BRDT: variants seen among roughly 807,000 people sequenced by gnomAD.
BRDT encodes bromodomain testis associated, also known as bromodomain testis-specific protein.
A neutral mutation model predicts 113.9 loss-of-function variants in BRDT; 77 were observed. The observed-to-expected ratio is 0.68, with a 90% confidence interval of 0.56 to 0.82. The LOEUF (loss-of-function observed/expected upper bound fraction) is 0.82. BRDT is among the 40% of genes least tolerant of loss of function. The probability of loss-of-function intolerance (pLI) is 0.00; values close to 1 mark genes in which losing one functional copy is unlikely to be tolerated. For synonymous variants in BRDT, 358 were observed against 366.5 expected (o/e 0.98, Z 0.26); for missense variants, 1,027 against 1,105.4 (o/e 0.93, Z 1.01).
Position 92,010,341 on chromosome 1 carries a change from G to A in BRDT, c.2776-3865G>A, listed in dbSNP as rs1248917162. ...GGCTGCAGTGCAGTGGCGTGATCTCGGCTCACTGCAACCTCTGCCTCCTCC... is the reference window on the plus strand; with the variant it reads ...GGCTGCAGTGCAGTGGCGTGATCTCAGCTCACTGCAACCTCTGCCTCCTCC... On this transcript the variant is annotated intron_variant, in intron 18 of 18. Coordinates refer to ENST00000399546, the MANE Select transcript of BRDT (RefSeq NM_207189.4). Among the ~76,000 whole-genome samples the A allele has an allele frequency of 4.5e-5, 6 of 132,884 alleles. No individual in the cohort carries two copies. In the East Asian group the frequency reaches 6.5e-4, roughly 14 times the overall value. The allele number at this position is 132,884 out of a possible 152,430, so 87.2% of individuals were successfully genotyped here. A position where few individuals can be genotyped will look rare whatever the true frequency, so the allele number is the denominator to read the frequency against.
chr1:91,987,626 G>GTGA (rs1685375268), intron 12 of BRDT, among the ~76,000 whole-genome samples: 1 of 152,036 alleles, frequency 6.6e-6, no homozygotes, highest in Non-Finnish European at 1.5e-5. Flanking sequence ...GATTACAGGC[G>GTGA]TGAGCCACTG....
chr1:91,952,144 TG>T (rs1298212992), intron 1 of BRDT: 1 of 152,204 alleles, frequency 6.6e-6, no homozygotes, highest in Non-Finnish European at 1.5e-5. Flanking sequence ...ATTTGGAAAA[TG>T]GTATCCTGGA....
intron 15 of BRDT, among the ~76,000 whole-genome samples, chr1:91,995,939 T>C (rs1000829859): frequency 2.6e-5 from 4 of 152,150 alleles, no homozygotes; most frequent in Non-Finnish European, 5.9e-5. Context: ...TAATTAAAGT[T>C]ATATCTCTTC....
At chr1:91,987,601 C>T (rs1180289160) in intron 12 of BRDT, among the ~76,000 whole-genome samples, 1 of 152,188 alleles carries the variant, frequency 6.6e-6, no homozygotes, top group African/African-American at 2.4e-5. Context: ...CTGCCTCAGC[C>T]TCTCAAAGTG....
chr1:91,958,181 A>C (rs905461657), intron 1 of BRDT, among the ~76,000 whole-genome samples: 2 of 147,954 alleles, frequency 1.4e-5, no homozygotes, highest in African/African-American at 5.0e-5. Flanking sequence ...TCAGGCTTTC[A>C]CGATGTCTTT....
chr1:91,951,889 T>C (rs1681129629), intron 1 of BRDT, among the ~76,000 whole-genome samples: 1 of 150,182 alleles, frequency 6.7e-6, no homozygotes, highest in Non-Finnish European at 1.5e-5. Flanking sequence ...CTACTAAAAA[T>C]ACAAAAAAAA....
upstream of BRDT, chr1:91,949,384 G>A (rs991906842): frequency 3.9e-5 from 6 of 152,274 alleles, no homozygotes; most frequent in Non-Finnish European, 8.8e-5. Context: ...AAAAGCGCCT[G>A]TCGCGCGACC....
intron 4 of BRDT, 117 bp from the exon 5 acceptor site, chr1:91,976,137 CAAAATGAAATAA>C: frequency 1.1e-6 from 1 of 931,948 alleles, no homozygotes; most frequent in Non-Finnish European, 1.5e-6. Flanking sequence ...GTGTAGATTT[CAAAATGAAATAA>C]GTATCCTATG....
intron 1 of BRDT, chr1:91,950,645 A>T (rs1680947645): frequency 7.4e-6 from 1 of 135,332 alleles, no homozygotes; most frequent in Admixed American, 7.5e-5. Context: ...AAAGGCATGG[A>T]TGTATGTACA....
At chr1:91,978,389 C>A (rs115251537) in intron 7 of BRDT, 93 bp downstream of exon 7, 2 of 1,410,256 alleles carry the variant, frequency 1.4e-6, no homozygotes, top group Non-Finnish European at 1.9e-6. Flanking sequence ...AGAATAATAA[C>A]TCCTACACCT....
chr1:91,976,519 C>A, intron 5 of BRDT, 81 bp downstream of exon 5: 1 of 1,300,952 alleles, frequency 7.7e-7, no homozygotes, highest in Non-Finnish European at 1.0e-6. Flanking sequence ...TAGTCTTCAG[C>A]GTCTAGCAAT....
In BRDT at chr1:92,014,334, T is replaced by C. The variant is rs12406925; in HGVS notation, c.*60T>C. The C allele has an allele frequency of 5.1e-6, 6 of 1,167,196 alleles. No individual in the cohort carries two copies. In the Admixed American group the frequency reaches 1.4e-4, roughly 28 times the overall value. 72.3% of individuals were successfully genotyped at this position (1,167,196 alleles called of 1,614,324 possible). Reference sequence around the variant, plus strand: ...GAATGGTAAAAGATCAAAATGCATATGGTAAAATGATTGCTTTCAGATAAC... The same window carrying C: ...GAATGGTAAAAGATCAAAATGCATACGGTAAAATGATTGCTTTCAGATAAC... On this transcript the variant is annotated 3_prime_UTR_variant, in exon 19 of 19. Coordinates refer to ENST00000399546, the MANE Select transcript of BRDT (RefSeq NM_207189.4).
intron 12 of BRDT, among the ~76,000 whole-genome samples, chr1:91,988,859 T>C (rs1165930019): frequency 6.6e-6 from 1 of 152,258 alleles, no homozygotes. Flanking sequence ...TAGTTTATTA[T>C]GCTCTTAAAA....
chr1:92,009,748 T>C (rs1172291047), intron 18 of BRDT, among the ~76,000 whole-genome samples: 1 of 151,852 alleles, frequency 6.6e-6, no homozygotes, highest in Non-Finnish European at 1.5e-5. Context: ...TATTTATTTT[T>C]TTTGTAGAGA....
intron 15 of BRDT, among the ~76,000 whole-genome samples, chr1:92,000,938 T>C (rs992404401): frequency 6.6e-6 from 1 of 152,198 alleles, no homozygotes; most frequent in Non-Finnish European, 1.5e-5. Context: ...AAATGAAATA[T>C]TTGCATGAAA....
chr1:91,994,334 C>T, intron 15 of BRDT, 80 bp downstream of exon 15: 1 of 1,163,704 alleles, frequency 8.6e-7, no homozygotes, highest in Non-Finnish European at 1.2e-6. Context: ...TTATGGTCAT[C>T]TTAAATGTTA....
At chr1:91,997,148 C>T (rs1007774619) in intron 15 of BRDT, among the ~76,000 whole-genome samples, 9 of 151,856 alleles carry the variant, frequency 5.9e-5, no homozygotes, top group Non-Finnish European at 1.3e-4. Flanking sequence ...TCAAAAGTAT[C>T]ACATACTGCA....
intron 3 of BRDT, among the ~76,000 whole-genome samples, chr1:91,967,768 G>A (rs1683224275): frequency 6.6e-6 from 1 of 152,110 alleles, no homozygotes; most frequent in African/African-American, 2.4e-5. Flanking sequence ...CCCGACCTCA[G>A]ATGATCTACC....
intron 15 of BRDT, 26 bp downstream of exon 15, chr1:91,994,280 G>A: frequency 6.5e-7 from 1 of 1,548,002 alleles, no homozygotes; most frequent in African/African-American, 1.4e-5. Flanking sequence ...GTAAACAACT[G>A]TTATTGAGAA....
Sources: allele counts gnomAD v4.1 joint callset (sites outside exome capture counted in the v4.1 genomes callset), GRCh38; gene constraint gnomAD v4.1.1; transcripts MANE v1.5; gene names NCBI Gene and HGNC (gene_info 2026-07-23, HGNC 2026-07-21).